ZPBP: variants seen among roughly 807,000 people sequenced by gnomAD.
ZPBP encodes zona pellucida-binding protein 1.
Under a neutral mutation model 44.8 loss-of-function variants are expected in ZPBP, and 26 were observed. The observed-to-expected ratio is 0.58, with a 90% CI of 0.43 to 0.81. The LOEUF (loss-of-function observed/expected upper bound fraction) is 0.81, where lower values mean the gene tolerates loss of function less well. ZPBP is among the 30% of genes least tolerant of loss of function. The pLI is 0.00. For missense variants in ZPBP, 409 were observed against 434.0 expected, an observed-to-expected ratio of 0.94 and a Z score of 0.51; for synonymous variants, 174 against 153.2, an observed-to-expected ratio of 1.14 and a Z score of -1.00.
Position 49,988,894 on chromosome 7 carries a change from C to T in ZPBP, c.784-5375G>A, listed in dbSNP as rs141204833. Among the ~76,000 whole-genome samples the T allele has an allele frequency of 1.5e-3, 230 of 152,274 alleles. 3 individuals carry two copies. Among genetic ancestry groups the T allele is most frequent in the African/African-American group, 5.3e-3 (220 of 41,548 alleles). On this transcript the variant is annotated intron_variant, in intron 6 of 7. Transcript: ENST00000046087. ...GTAATGACTTTTGATTGGAACATTG[C>T]TGATCTTTGTTTTGTTTTTCAGAGT...
downstream of ZPBP, among the ~76,000 whole-genome samples, chr7:49,846,486 G>T (rs1789950956): frequency 6.6e-6 from 1 of 152,082 alleles, no homozygotes; most frequent in East Asian, 1.9e-4. Context: ...GCCTTTTTCT[G>T]TGCTTGGAGT....
At position 49,982,167 on chromosome 7, in the gene ZPBP, TTA is replaced by T. The variant is rs10599093; in HGVS notation, c.961+1173_961+1174del. ...TAAAATATATAATATATAATATATA[TTA>T]TATATATATAATTTATTATTATATA... On this transcript the variant is annotated intron_variant, in intron 7 of 7. Coordinates refer to ENST00000046087, the MANE Select transcript of ZPBP (RefSeq NM_007009.3). Among the ~76,000 whole-genome samples the T allele has an allele frequency of 4.3e-4, 26 of 60,900 alleles. 5 individuals are homozygous for T. Among genetic ancestry groups the T allele is most frequent in the Admixed American group, 2.6e-3 (9 of 3,450 alleles). The allele number at this position is 60,900 out of a possible 152,430, so 40.0% of individuals were successfully genotyped here.
chr7:49,865,389 G>A (rs1382614893), intron 2 of ZPBP, among the ~76,000 whole-genome samples: 1 of 152,188 alleles, frequency 6.6e-6, no homozygotes, highest in Non-Finnish European at 1.5e-5. Context: ...GGAGTAACAT[G>A]AGCACTGAAT....
intron 2 of ZPBP, among the ~76,000 whole-genome samples, chr7:49,888,390 AG>A (rs1791987288): frequency 6.6e-6 from 1 of 152,248 alleles, no homozygotes; most frequent in Non-Finnish European, 1.5e-5. Flanking sequence ...TTATCAATTT[AG>A]GTATGGTATA....
At chr7:50,032,743 CA>C (rs1165178259) in intron 4 of ZPBP, among the ~76,000 whole-genome samples, 4 of 152,182 alleles carry the variant, frequency 2.6e-5, no homozygotes, top group Admixed American at 2.0e-4. Flanking sequence ...AGTTGGTAGG[CA>C]AAAGTGCCTA....
chr7:49,904,872 A>C (rs977910527), intron 1 of ZPBP, among the ~76,000 whole-genome samples: 1 of 151,226 alleles, frequency 6.6e-6, no homozygotes, highest in Non-Finnish European at 1.5e-5. Flanking sequence ...AGTAGCTTGG[A>C]TTATAGGCAC....
chr7:49,961,549 T>C (rs1309697114), intron 7 of ZPBP, among the ~76,000 whole-genome samples: 1 of 152,130 alleles, frequency 6.6e-6, no homozygotes, highest in Admixed American at 6.6e-5. Flanking sequence ...TATATACATG[T>C]CAAGTCACTA....
intron 6 of ZPBP, among the ~76,000 whole-genome samples, chr7:49,987,714 T>C (rs1482978953): frequency 6.9e-6 from 1 of 144,260 alleles, no homozygotes; most frequent in African/African-American, 2.6e-5. Flanking sequence ...CCTTTCTGTG[T>C]AGTTATATAT....
intron 3 of ZPBP, among the ~76,000 whole-genome samples, chr7:50,079,037 T>A (rs1054843267): frequency 1.3e-5 from 2 of 151,390 alleles, no homozygotes; most frequent in Admixed American, 6.6e-5. Flanking sequence ...TGAGGACACA[T>A]CCCTATAGAT....
intron 4 of ZPBP, among the ~76,000 whole-genome samples, chr7:50,045,665 A>T (rs959331426): frequency 6.6e-6 from 1 of 152,178 alleles, no homozygotes; most frequent in African/African-American, 2.4e-5. Flanking sequence ...ACAAATGGAA[A>T]AACATTCCAT....
At chr7:49,978,117 G>C (rs1796615295) in intron 7 of ZPBP, among the ~76,000 whole-genome samples, 1 of 149,630 alleles carries the variant, frequency 6.7e-6, no homozygotes, top group African/African-American at 2.4e-5. Flanking sequence ...GAAATAACAT[G>C]GGAGAAAGTT....
intron 7 of ZPBP, among the ~76,000 whole-genome samples, chr7:49,981,379 TATATA>T (rs1562819364): frequency 9.5e-4 from 2 of 2,106 alleles, no homozygotes; most frequent in Non-Finnish European, 1.4e-3. Context: ...ATATATATTA[TATATA>T]ATTATATATA....
intron 4 of ZPBP, among the ~76,000 whole-genome samples, chr7:50,037,548 A>T (rs779656233): frequency 3.3e-5 from 5 of 152,178 alleles, no homozygotes; most frequent in Non-Finnish European, 5.9e-5. Flanking sequence ...GGAGAGACAG[A>T]GTGTGAAGAA....
At chr7:50,035,574 T>C (rs1471685353) in intron 4 of ZPBP, among the ~76,000 whole-genome samples, 3 of 152,152 alleles carry the variant, frequency 2.0e-5, no homozygotes, top group Admixed American at 6.5e-5. Context: ...TGTTAGAAAT[T>C]GACAAGTGCA....
At chr7:49,844,889 G>C in the ZPBP span, among the ~76,000 whole-genome samples, 3 of 151,968 alleles carry the variant, frequency 2.0e-5, no homozygotes, top group Admixed American at 2.0e-4. Flanking sequence ...CACCATGTTG[G>C]CCAGGCTAGT....
chr7:49,915,642 C>G (rs868062450), intron 1 of ZPBP: 1 of 151,996 alleles, frequency 6.6e-6, no homozygotes, highest in Admixed American at 6.6e-5. Context: ...TTGTTGGAAA[C>G]TAAATCCATT....
At chr7:49,943,379 A>G in intron 7 of ZPBP, 1 of 372,710 alleles carries the variant, frequency 2.7e-6, no homozygotes, top group South Asian at 2.3e-5. Flanking sequence ...CCAACATATC[A>G]AGGTAATGTA....
At chr7:49,892,625 T>G (rs929446292) in intron 2 of ZPBP, among the ~76,000 whole-genome samples, 2 of 152,206 alleles carry the variant, frequency 1.3e-5, no homozygotes, top group Non-Finnish European at 2.9e-5. Context: ...GGCATTTTTG[T>G]GTGTGCTCTC....
intron 3 of ZPBP, among the ~76,000 whole-genome samples, chr7:50,065,022 A>G (rs1171956815): frequency 6.6e-6 from 1 of 152,222 alleles, no homozygotes; most frequent in Non-Finnish European, 1.5e-5. Flanking sequence ...AAATGTCCAT[A>G]AAATCTTCAC....
Sources: allele counts gnomAD v4.1 joint callset (sites outside exome capture counted in the v4.1 genomes callset), GRCh38; gene constraint gnomAD v4.1.1; transcripts MANE v1.5; gene names NCBI Gene and HGNC (gene_info 2026-07-23, HGNC 2026-07-21).